The following LUC7L2 variants were observed in gnomAD, a reference collection of about 807,000 sequenced individuals.
LUC7L2 encodes LUC7 like 2, pre-mRNA splicing factor, also known as putative RNA-binding protein Luc7-like 2.
LUC7L2 carries 25 observed loss-of-function variants against 52.8 expected under a neutral mutation model. That is an observed-to-expected ratio of 0.47 (90% confidence interval 0.34 to 0.66). LUC7L2 has a LOEUF of 0.66. Among genes scored for constraint, LUC7L2 ranks in the 30% least tolerant of loss-of-function variants. The pLI is 0.01. For missense variants in LUC7L2, 328 were observed against 497.8 expected (o/e 0.66, Z 3.25); for synonymous variants, 144 against 160.9 (o/e 0.89, Z 0.80).
intron 2 of LUC7L2, among the ~76,000 whole-genome samples, chr7:139,388,295 A>G (rs1005470479): frequency 7.2e-5 from 11 of 152,086 alleles, no homozygotes; most frequent in African/African-American, 1.7e-4. Context: ...AATATTTCCT[A>G]TGTTCTTAAG....
In LUC7L2 at chr7:139,376,140, A is replaced by G; in HGVS notation, c.140A>G (p.Asp47Gly). Residue 47 changes from aspartate to glycine, a missense_variant, in exon 2 of 10, where the codon GAT becomes GGT. Transcript: ENST00000354926. ...KSHLLNCCPH[D>G]VLSGTRMDLG... ...CACCTTCTCAACTGTTGTCCTCATGATGTCCTTTCTGGAACTGTATGTATT... is the reference window on the plus strand; with the variant it reads ...CACCTTCTCAACTGTTGTCCTCATGGTGTCCTTTCTGGAACTGTATGTATT... 6.2e-7 allele frequency: 1 copy of G among 1,613,848 alleles called. No homozygotes were observed. The highest frequency in any genetic ancestry group is 8.5e-7 in the Non-Finnish European group (1 of 1,179,890).
At chr7:139,404,227 C>T (rs747268152) in intron 4 of LUC7L2, among the ~76,000 whole-genome samples, 3 of 152,038 alleles carry the variant, frequency 2.0e-5, no homozygotes, top group African/African-American at 7.2e-5. Context: ...CTAAAACCTT[C>T]GGCCGGGCGT....
In LUC7L2 at chr7:139,360,405, G is replaced by T. The variant is rs1329692044; in HGVS notation, c.61+83G>T. ...GGGTTCCGAGGGCGCACCTGGGCGC[G>T]CGCGTGTGGCTGAGTAAGGGGCTCC... On this transcript the variant is annotated intron_variant, in intron 1 of 9. Transcript: ENST00000354926. 2.2e-6 allele frequency: 3 copies of T among 1,336,502 alleles called. No homozygotes were observed. The East Asian group carries it at 7.8e-5, about 35-fold the overall frequency. 82.8% of individuals were successfully genotyped at this position (1,336,502 alleles called of 1,614,324 possible).
Position 139,402,523 on chromosome 7 carries a change from T to G in LUC7L2, c.366+276T>G, listed in dbSNP as rs1161845895. Among the ~76,000 whole-genome samples, 3 of 66,758 alleles carry G rather than the reference T, an allele frequency of 4.5e-5. No homozygotes were observed. The African/African-American group carries it at 1.2e-3, about 27-fold the overall frequency. 43.8% of individuals were successfully genotyped at this position (66,758 alleles called of 152,430 possible). ...GTCTGTATGTATAGCTCTGTGCAGT[T>G]TTTTTGTTTTTCTTTTTGTTTGAGA... On this transcript the variant is annotated intron_variant, in intron 4 of 9. Transcript: ENST00000354926.
At chr7:139,352,834 G>A (rs78033918) in intron 1 of LUC7L2, among the ~76,000 whole-genome samples, 2,250 of 152,332 alleles carry the variant, frequency 0.015, 37 homozygotes, top group Non-Finnish European at 0.021. Flanking sequence ...AAGGCAGTCT[G>A]TAAAGTAAGT....
intron 4 of LUC7L2, 105 bp downstream of exon 4, chr7:139,402,352 T>C: frequency 8.9e-7 from 1 of 1,128,270 alleles, no homozygotes; most frequent in Non-Finnish European, 1.2e-6. Flanking sequence ...CAAAGACATA[T>C]ACAAGGAATT....
intron 1 of LUC7L2, among the ~76,000 whole-genome samples, chr7:139,350,747 C>G (rs1186495178): frequency 6.6e-6 from 1 of 151,264 alleles, no homozygotes; most frequent in Non-Finnish European, 1.5e-5. Flanking sequence ...GCGATCTTGG[C>G]TCACTGCAAC....
At chr7:139,385,277 T>C (rs1172864887) in intron 2 of LUC7L2, among the ~76,000 whole-genome samples, 2 of 149,738 alleles carry the variant, frequency 1.3e-5, no homozygotes, top group African/African-American at 2.4e-5. Flanking sequence ...TTGAAGGACA[T>C]CTTCAAAAGT....
At chr7:139,356,724 A>C (rs1799619574), upstream of LUC7L2, among the ~76,000 whole-genome samples, 1 of 152,178 alleles carries the variant, frequency 6.6e-6, no homozygotes, top group Non-Finnish European at 1.5e-5. Context: ...CAACCACAAC[A>C]ATATGTAAAT....
intron 1 of LUC7L2, among the ~76,000 whole-genome samples, chr7:139,349,526 C>T (rs1049347828): frequency 5.3e-5 from 8 of 151,846 alleles, no homozygotes; most frequent in African/African-American, 1.9e-4. Context: ...GTTTTGGTTA[C>T]TAGTCTAGTG....
At chr7:139,384,459 T>C (rs1485358305) in intron 2 of LUC7L2, among the ~76,000 whole-genome samples, 3 of 152,190 alleles carry the variant, frequency 2.0e-5, no homozygotes, top group South Asian at 2.1e-4. Context: ...TGAAGTGTGT[T>C]CTTATTTTAA....
intron 2 of LUC7L2, among the ~76,000 whole-genome samples, chr7:139,386,583 T>C (rs1794205650): frequency 1.6e-5 from 2 of 126,230 alleles, no homozygotes; most frequent in South Asian, 2.3e-4. Flanking sequence ...TTTTTTTTCG[T>C]ATTTTTAGTA....
intron 3 of LUC7L2, among the ~76,000 whole-genome samples, chr7:139,399,836 C>A (rs115199390): frequency 1.2e-3 from 179 of 152,090 alleles, no homozygotes; most frequent in African/African-American, 4.2e-3. Context: ...ATTTAGATAC[C>A]TAAAAAAGCC....
chr7:139,377,613 C>T (rs1406375991), intron 2 of LUC7L2, among the ~76,000 whole-genome samples: 7 of 151,962 alleles, frequency 4.6e-5, no homozygotes, highest in East Asian at 1.9e-4. Context: ...AGGCTGGTCT[C>T]GAACTTCTGA....
intron 4 of LUC7L2, among the ~76,000 whole-genome samples, chr7:139,403,612 G>A (rs1171861275): frequency 2.0e-5 from 3 of 152,146 alleles, no homozygotes; most frequent in South Asian, 2.1e-4. Flanking sequence ...GTAAGTGCTT[G>A]GTAGAGCCTG....
chr7:139,394,950 A>G (rs766338405), intron 2 of LUC7L2, among the ~76,000 whole-genome samples: 1 of 152,206 alleles, frequency 6.6e-6, no homozygotes, highest in Admixed American at 6.5e-5. Context: ...GGCTTTTACA[A>G]TTCAGTCAGT....
chr7:139,389,756 T>C (rs752581633), intron 2 of LUC7L2, among the ~76,000 whole-genome samples: 2 of 152,236 alleles, frequency 1.3e-5, no homozygotes, highest in Non-Finnish European at 2.9e-5. Flanking sequence ...TGTTATCTGA[T>C]TGGGGCTGTT....
chr7:139,340,813 C>T (rs145717639), intron 1 of LUC7L2, among the ~76,000 whole-genome samples: 5 of 150,748 alleles, frequency 3.3e-5, no homozygotes, highest in East Asian at 2.0e-4. Flanking sequence ...CTAAACAAAG[C>T]GAAATATGCC....
chr7:139,372,553 A>AT (rs1481666577), intron 1 of LUC7L2, among the ~76,000 whole-genome samples: 1 of 151,814 alleles, frequency 6.6e-6, no homozygotes, highest in Non-Finnish European at 1.5e-5. Flanking sequence ...CTTGGTGGTA[A>AT]TTTTAGTCTA....
Sources: gnomAD v4.1 joint callset for allele counts (sites outside exome capture counted in the v4.1 genomes callset) on GRCh38, gnomAD v4.1.1 for gene constraint, MANE v1.5 for transcripts, NCBI Gene and HGNC (gene_info 2026-07-23, HGNC 2026-07-21) for gene names.